USP37: variants seen among roughly 807,000 people sequenced by gnomAD.
USP37 encodes ubiquitin carboxyl-terminal hydrolase 37.
Under a neutral mutation model 124.0 loss-of-function variants are expected in USP37, and 27 were observed. That is an observed-to-expected ratio of 0.22 (90% CI 0.16 to 0.30). The LOEUF (loss-of-function observed/expected upper bound fraction) is 0.30. Among genes scored for constraint, USP37 ranks in the 10% least tolerant of loss-of-function variants. USP37 has a pLI of 1.00. For missense variants in USP37, 889 were observed against 1,140.4 expected (o/e 0.78, Z 3.17); for synonymous variants, 365 against 388.0 (o/e 0.94, Z 0.70).
intron 5 of USP37, among the ~76,000 whole-genome samples, chr2:218,551,771 T>C (rs1401197840): frequency 6.6e-6 from 1 of 152,114 alleles, no homozygotes. Flanking sequence ...ATTCTAAGAA[T>C]TTTAAATAGT....
chr2:218,466,933 A>G (rs894999635), intron 20 of USP37, among the ~76,000 whole-genome samples: 1 of 151,884 alleles, frequency 6.6e-6, no homozygotes, highest in Non-Finnish European at 1.5e-5. Flanking sequence ...GTTTCATCAC[A>G]TTGGCCAGGC....
chr2:218,476,695 C>G (rs1480672463), intron 19 of USP37, 145 bp downstream of exon 19: 1 of 884,980 alleles, frequency 1.1e-6, no homozygotes, highest in Non-Finnish European at 1.5e-6. Flanking sequence ...AAGTCTTGAT[C>G]CATCTGTAAA....
At chr2:218,476,174 T>C (rs139819199) in intron 19 of USP37, among the ~76,000 whole-genome samples, 1 of 152,302 alleles carries the variant, frequency 6.6e-6, no homozygotes, top group African/African-American at 2.4e-5. Context: ...TAACTATCCA[T>C]ATAATTATCT....
At chr2:218,534,050 T>C (rs1691482703) in intron 9 of USP37, among the ~76,000 whole-genome samples, 1 of 152,206 alleles carries the variant, frequency 6.6e-6, no homozygotes, top group Non-Finnish European at 1.5e-5. Flanking sequence ...ACTTTGACAA[T>C]GAAACAGCTT....
intron 14 of USP37, among the ~76,000 whole-genome samples, chr2:218,494,197 TA>T (rs1316805739): frequency 9.2e-5 from 14 of 152,324 alleles, no homozygotes; most frequent in Non-Finnish European, 2.1e-4. Context: ...AAATTCTGGT[TA>T]AAAATGCTAG....
intron 3 of USP37, 78 bp from the exon 4 acceptor site, chr2:218,558,755 T>A: frequency 1.8e-6 from 2 of 1,110,590 alleles, no homozygotes; most frequent in Non-Finnish European, 2.6e-6. Flanking sequence ...AACTTACTAG[T>A]AATTAATTTC....
intron 1 of USP37, among the ~76,000 whole-genome samples, chr2:218,566,221 G>A (rs916298958): frequency 6.6e-6 from 1 of 152,132 alleles, no homozygotes; most frequent in African/African-American, 2.4e-5. Context: ...GATAGATGGT[G>A]GTGCTGGAAC....
Position 218,497,861 on chromosome 2 carries a change from G to C in USP37, c.1158-4C>G, listed in dbSNP as rs1295395361. The C allele has an allele frequency of 2.5e-6, 4 of 1,611,220 alleles. No homozygotes were observed. The highest frequency in any genetic ancestry group is 3.4e-6 in the Non-Finnish European group (4 of 1,179,142). ...AACAAGCAAGTGTGCAAAGCGTCTA[G>C]TAAAACAAAAAACACAAAGTTAGCA... On this transcript the variant is annotated splice_polypyrimidine_tract_variant and splice_region_variant and intron_variant, in intron 12 of 25. Transcript: ENST00000258399.
At chr2:218,555,971 C>T (rs78324872) in intron 4 of USP37, among the ~76,000 whole-genome samples, 7,438 of 152,192 alleles carry the variant, frequency 0.049, 520 homozygotes, top group African/African-American at 0.16. Context: ...TACTCCACTC[C>T]CTTTTCCTTA....
chr2:218,464,458 G>C (rs549972715), intron 21 of USP37, among the ~76,000 whole-genome samples: 2 of 151,718 alleles, frequency 1.3e-5, no homozygotes, highest in East Asian at 3.9e-4. Flanking sequence ...GGCTGGTCTA[G>C]AACTCCTAGC....
intron 20 of USP37, chr2:218,473,357 A>G (rs1690795033): frequency 6.6e-6 from 1 of 152,198 alleles, no homozygotes; most frequent in Admixed American, 6.6e-5. Context: ...GGACTGCATA[A>G]TGATACTTGT....
At chr2:218,546,634 T>A (rs996839897) in intron 7 of USP37, among the ~76,000 whole-genome samples, 1 of 152,192 alleles carries the variant, frequency 6.6e-6, no homozygotes, top group African/African-American at 2.4e-5. Context: ...TTAGCCAGGA[T>A]GGTCTCAATC....
chr2:218,550,175 CA>C (rs964827056), intron 5 of USP37, among the ~76,000 whole-genome samples: 39 of 147,896 alleles, frequency 2.6e-4, no homozygotes, highest in African/African-American at 9.2e-4. Context: ...ATTTACAAAG[CA>C]AAAAAAAAGC....
At chr2:218,492,455 G>A (rs1688837796) in intron 14 of USP37, among the ~76,000 whole-genome samples, 1 of 152,138 alleles carries the variant, frequency 6.6e-6, no homozygotes, top group Admixed American at 6.6e-5. Context: ...CAAGTCACAG[G>A]CTTTTAAATT....
chr2:218,476,350 G>A (rs1018421147), intron 19 of USP37, among the ~76,000 whole-genome samples: 1 of 151,244 alleles, frequency 6.6e-6, no homozygotes, highest in Non-Finnish European at 1.5e-5. Flanking sequence ...GAGGTGGTAG[G>A]ATCACCTGAG....
At chr2:218,564,746 T>C (rs996041662) in intron 1 of USP37, among the ~76,000 whole-genome samples, 1 of 152,136 alleles carries the variant, frequency 6.6e-6, no homozygotes, top group Non-Finnish European at 1.5e-5. Context: ...ACTTGTTAAG[T>C]GCTAAATGGT....
intron 8 of USP37, among the ~76,000 whole-genome samples, chr2:218,538,706 T>C (rs1210213955): frequency 1.3e-5 from 2 of 152,152 alleles, no homozygotes; most frequent in Admixed American, 6.5e-5. Flanking sequence ...GGGCATCCCT[T>C]GAGAAAACCA....
chr2:218,498,628 G>A (rs1342359136), intron 11 of USP37, among the ~76,000 whole-genome samples: 1 of 152,122 alleles, frequency 6.6e-6, no homozygotes, highest in African/African-American at 2.4e-5. Flanking sequence ...CTTGCAGGCT[G>A]AGGCACGAGA....
intron 9 of USP37, among the ~76,000 whole-genome samples, chr2:218,530,307 G>A (rs1367895076): frequency 6.6e-6 from 1 of 151,922 alleles, no homozygotes; most frequent in Non-Finnish European, 1.5e-5. Flanking sequence ...AACAGTATAC[G>A]CTCGCTCACT....
Sources: allele counts gnomAD v4.1 joint callset (sites outside exome capture counted in the v4.1 genomes callset), GRCh38; gene constraint gnomAD v4.1.1; transcripts MANE v1.5; gene names NCBI Gene and HGNC (gene_info 2026-07-23, HGNC 2026-07-21).